The following CLTCL1 variants were observed in gnomAD, a reference collection of about 807,000 sequenced individuals.
The protein encoded by CLTCL1 is clathrin heavy chain like 1.
A neutral mutation model predicts 190.0 loss-of-function variants in CLTCL1; 159 were observed. The ratio of observed to expected loss-of-function variants is 0.84; its 90% CI spans 0.74 to 0.95. CLTCL1 has a LOEUF of 0.95. Among genes scored for constraint, CLTCL1 ranks in the 40% least tolerant of loss-of-function variants. CLTCL1 has a pLI of 0.00. For missense variants in CLTCL1, 1,878 were observed against 2,033.4 expected, an observed-to-expected ratio of 0.92 and a Z score of 1.47; for synonymous variants, 752 against 769.6, an observed-to-expected ratio of 0.98 and a Z score of 0.38.
At chr22:19,263,925 T>C (rs2146197981) in intron 2 of CLTCL1, among the ~76,000 whole-genome samples, 1 of 152,226 alleles carries the variant, frequency 6.6e-6, no homozygotes, top group South Asian at 2.1e-4. Context: ...ATGGAAATCA[T>C]ATATCTGACA....
intron 22 of CLTCL1, chr22:19,207,441 T>C (rs2085084990): frequency 2.5e-6 from 1 of 397,822 alleles, no homozygotes. Context: ...AGAATTATTC[T>C]GATGTGTATA....
chr22:19,228,593 T>G (rs1555957292), intron 11 of CLTCL1, among the ~76,000 whole-genome samples: 1 of 152,196 alleles, frequency 6.6e-6, no homozygotes, highest in East Asian at 1.9e-4. Context: ...ACTTGTAGAT[T>G]TGAATAAATT....
At chr22:19,207,383 T>C in intron 22 of CLTCL1, 1 of 392,442 alleles carries the variant, frequency 2.5e-6, no homozygotes, top group Non-Finnish European at 4.5e-6. Context: ...TTTTGTTTTC[T>C]TGTAGTAAAC....
At chr22:19,275,912 A>C in intron 1 of CLTCL1, 82 bp from the exon 2 acceptor site, 3 of 1,251,330 alleles carry the variant, frequency 2.4e-6, no homozygotes, top group Non-Finnish European at 3.3e-6. Context: ...AGGAGAAGTT[A>C]AATAAAATTT....
intron 22 of CLTCL1, chr22:19,207,541 T>C (rs1426446996): frequency 7.5e-6 from 3 of 402,012 alleles, no homozygotes; most frequent in African/African-American, 2.1e-5. Context: ...TTGCTTCTCA[T>C]GATCTTTATC....
At chr22:19,213,576 G>T (rs1215822591) in intron 19 of CLTCL1, among the ~76,000 whole-genome samples, 2 of 152,176 alleles carry the variant, frequency 1.3e-5, no homozygotes, top group Non-Finnish European at 2.9e-5. Context: ...TCGTACAACA[G>T]AATATCATTC....
rs146955721 is a variant in CLTCL1 at position 19,184,400 on chromosome 22, G to A, written c.4606-789C>T. ...GCCATCGCCTGCAGCACACACCTCT[G>A]AGTTCCGTTTGGGAGACCCCTGAGG... is the stretch of plus-strand genomic sequence containing the variant. On this transcript the variant is annotated intron_variant, in intron 29 of 32. Coordinates refer to ENST00000427926, the MANE Select transcript of CLTCL1 (RefSeq NM_007098.4). The A allele has an allele frequency of 1.0e-3, 449 of 449,832 alleles. 2 individuals are homozygous for A. The highest frequency in any genetic ancestry group is 7.8e-3 in the African/African-American group (393 of 50,104). The allele number at this position is 449,832 out of a possible 1,614,324, so 27.9% of individuals were successfully genotyped here. A position where few individuals can be genotyped will look rare whatever the true frequency, so the allele number is the denominator to read the frequency against.
intron 3 of CLTCL1, among the ~76,000 whole-genome samples, chr22:19,248,152 C>A (rs1555968669): frequency 6.6e-6 from 1 of 151,844 alleles, no homozygotes; most frequent in Non-Finnish European, 1.5e-5. Flanking sequence ...CAAAATTAGC[C>A]AGGTGTGGTG....
At chr22:19,260,779 C>CAAAAAA (rs34267370) in intron 2 of CLTCL1, among the ~76,000 whole-genome samples, 8 of 56,932 alleles carry the variant, frequency 1.4e-4, no homozygotes, top group East Asian at 5.1e-4. Context: ...AACTCTGTCT[C>CAAAAAA]AAAAAAAAAA....
chr22:19,277,281 C>T (rs187048717), intron 1 of CLTCL1, among the ~76,000 whole-genome samples: 64 of 152,192 alleles, frequency 4.2e-4, no homozygotes, highest in African/African-American at 1.5e-3. Context: ...TCCTGTTAAC[C>T]CACTGAGACA....
Position 19,180,195 on chromosome 22 carries a change from T to A in CLTCL1, c.*20+4A>T, listed in dbSNP as rs782299325. The A allele has an allele frequency of 1.2e-6, 2 of 1,613,274 alleles. No individual in the cohort carries two copies. Among genetic ancestry groups the A allele is most frequent in the East Asian group, 4.5e-5 (2 of 44,868 alleles). ...ATAAGCTAGTCTCCAAATGGGACACTTACTTAGTGCAATCAGCTGGGTCTC... is the reference window on the plus strand; with the variant it reads ...ATAAGCTAGTCTCCAAATGGGACACATACTTAGTGCAATCAGCTGGGTCTC... On this transcript the variant is annotated splice_donor_region_variant and intron_variant, in intron 32 of 32. Transcript: ENST00000427926.
rs372920898 is a variant in CLTCL1, at chr22:19,183,630, C to T, written c.4606-19G>A. 1.5e-5 allele frequency: 24 copies of T among 1,611,676 alleles called. No individual in the cohort carries two copies. The African/African-American group carries it at 2.9e-4, about 20-fold the overall frequency. On this transcript the variant is annotated intron_variant, in intron 29 of 32. Transcript: ENST00000427926. ...TGGCATCCTGCAGCCAAGGCAAATG[C>T]TTGCTTGGGCATCCTGCAGGCAGAG...
Position 19,188,075 on chromosome 22 carries a change from A to C in CLTCL1, c.4340T>G (p.Leu1447Arg). ...GACTGACCGCAGGTAAGGCTTCACCAGGGGCAGCTGACCTGCCTGACAAGT... is the reference window on the plus strand; with the variant it reads ...GACTGACCGCAGGTAAGGCTTCACCCGGGGCAGCTGACCTGCCTGACAAGT... ...SFFSKAGQLP[L>R]VKPYLRSVQS... Residue 1447 changes from leucine to arginine, a missense_variant, in exon 28 of 33, where the codon CTG becomes CGG. Physicochemically the swap from Leu to Arg is moderately radical, Grantham distance 102. Transcript: ENST00000427926. The C allele has an allele frequency of 1.2e-6, 2 of 1,613,996 alleles. No homozygotes were observed. Among genetic ancestry groups the C allele is most frequent in the Non-Finnish European group, 1.7e-6 (2 of 1,179,860 alleles).
chr22:19,182,740 G>C (rs1041467918), intron 30 of CLTCL1: 29 of 152,308 alleles, frequency 1.9e-4, no homozygotes, highest in African/African-American at 7.0e-4. Context: ...GATGCTACTG[G>C]AAGTAGCTTT....
At position 19,291,678 on chromosome 22, in the gene CLTCL1, GC is replaced by G; in HGVS notation, c.-38del. 1 of 1,349,072 alleles carries G rather than the reference GC, an allele frequency of 7.4e-7. No individual in the cohort carries two copies. The highest frequency in any genetic ancestry group is 9.6e-7 in the Non-Finnish European group (1 of 1,039,150). 83.6% of individuals were successfully genotyped at this position (1,349,072 alleles called of 1,614,324 possible). ...GACCTCGGCGGCGGCGGCGGCAGCG[GC>G]AGGAATGAACGCCGACCCCTCGCGC... is the stretch of plus-strand genomic sequence containing the variant. On this transcript the variant is annotated 5_prime_UTR_variant, in exon 1 of 33. Coordinates refer to ENST00000427926, the MANE Select transcript of CLTCL1 (RefSeq NM_007098.4).
Position 19,196,353 on chromosome 22 carries a change from G to C in CLTCL1, c.4104C>G (p.Tyr1368Ter). ...WAELVFLYDK[Y>*]EEYDNAVLTM... ...TGAGCACAGCATTGTCATACTCCTC[G>C]TACTTGTCATAGAGGAACACCAGCT... Residue 1368 changes from tyrosine (Y) to a stop codon, truncating the protein, a stop_gained, in exon 26 of 33, where the codon TAC becomes TAG. Transcript: ENST00000427926. LOFTEE classifies it high-confidence loss of function. 6.2e-7 allele frequency: 1 copy of C among 1,613,954 alleles called. No homozygotes were observed. Among genetic ancestry groups the C allele is most frequent in the Non-Finnish European group, 8.5e-7 (1 of 1,179,872 alleles).
Position 19,196,246 on chromosome 22 carries a change from C to A in CLTCL1, c.4191+20G>T, listed in dbSNP as rs782477286. 2 of 1,607,884 alleles carry A rather than the reference C, an allele frequency of 1.2e-6. No homozygotes were observed. The highest frequency in any genetic ancestry group is 1.1e-5 in the South Asian group (1 of 90,788). ...CCTGGCAGAGGCTGGCAGGAGCCAG[C>A]GCTCTGTATCCCCTCTTACCTTGGT... On this transcript the variant is annotated intron_variant, in intron 26 of 32. Transcript: ENST00000427926.
At chr22:19,282,885 TTTA>T (rs1555987756) in intron 1 of CLTCL1, among the ~76,000 whole-genome samples, 3 of 150,978 alleles carry the variant, frequency 2.0e-5, no homozygotes, top group Admixed American at 6.6e-5. Flanking sequence ...TTTTTTTTTT[TTTA>T]GACAGAGTCT....
At chr22:19,182,169 G>GA (rs1555926064) in intron 30 of CLTCL1, 1 of 152,226 alleles carries the variant, frequency 6.6e-6, no homozygotes, top group African/African-American at 2.4e-5. Context: ...CTACTTTCAG[G>GA]AAAGACACCC....
Sources: gnomAD v4.1 joint callset for allele counts (sites outside exome capture counted in the v4.1 genomes callset) on GRCh38, gnomAD v4.1.1 for gene constraint, MANE v1.5 for transcripts, NCBI Gene and HGNC (gene_info 2026-07-23, HGNC 2026-07-21) for gene names.